The following ELMOD3 variants were observed in gnomAD, a reference collection of about 807,000 sequenced individuals.
The protein encoded by ELMOD3 is ELMO domain-containing protein 3.
A neutral mutation model predicts 47.4 loss-of-function variants in ELMOD3; 36 were observed. That is an observed-to-expected ratio of 0.76 (90% CI 0.58 to 1.00). ELMOD3 has a LOEUF of 1.00. ELMOD3 is among the 50% of genes least tolerant of loss of function. The pLI, the probability that ELMOD3 is intolerant of heterozygous loss-of-function variation, is 0.00. For missense variants in ELMOD3, 404 were observed against 463.8 expected (o/e 0.87, Z 1.18); for synonymous variants, 149 against 183.5 (o/e 0.81, Z 1.52).
rs150867431 is a variant in ELMOD3 at position 85,390,240 on chromosome 2, C to G, written c.918C>G (p.Ile306Met). The change falls in exon 13 of 14, where the codon ATC becomes ATG. Residue 306 changes from isoleucine (I) to methionine (M), a missense_variant. Coordinates refer to ENST00000409013, the MANE Select transcript of ELMOD3 (RefSeq NM_001135022.2). ...AHVWRTQRKTISDSGFVLKEL... is the reference protein window; with the variant it reads ...AHVWRTQRKTMSDSGFVLKEL... The stretch of plus-strand genomic sequence containing the variant: ...TCTGGAGGACACAGCGGAAGACCAT[C>G]TCAGACTCGGGCTTTGTCCTCAAAG... 22 of 1,614,118 alleles carry G rather than the reference C, an allele frequency of 1.4e-5. No individual in the cohort carries two copies. The highest frequency in any genetic ancestry group is 1.9e-5 in the Non-Finnish European group (22 of 1,180,058).
At chr2:85,384,587 C>T (rs913583863) in intron 11 of ELMOD3, among the ~76,000 whole-genome samples, 2 of 152,014 alleles carry the variant, frequency 1.3e-5, no homozygotes, top group Admixed American at 6.6e-5. Flanking sequence ...GCAATCCCTC[C>T]ATTTTATTTT....
intron 11 of ELMOD3, among the ~76,000 whole-genome samples, chr2:85,379,822 T>C (rs553092128): frequency 3.3e-5 from 5 of 152,272 alleles, no homozygotes; most frequent in Non-Finnish European, 7.4e-5. Flanking sequence ...AGGCAAGACT[T>C]TTTTTTAAAG....
intron 11 of ELMOD3, among the ~76,000 whole-genome samples, chr2:85,386,056 G>A (rs917567958): frequency 1.4e-4 from 22 of 152,182 alleles, no homozygotes; most frequent in African/African-American, 5.1e-4. Context: ...AGCAGTGGGA[G>A]TGCAGATGCT....
Position 85,391,098 on chromosome 2 carries a change from C to T in ELMOD3, c.*136C>T, listed in dbSNP as rs953270503. 4 of 869,548 alleles carry T rather than the reference C, an allele frequency of 4.6e-6. No homozygotes were observed. In the African/African-American group the frequency reaches 6.8e-5, roughly 15 times the overall value. 53.9% of individuals were successfully genotyped at this position (869,548 alleles called of 1,614,324 possible). ...GGATATAGGAAGCTCCTGGGCTTAG[C>T]TGTGGGAAGCCAAGTACCCTCACCG... On this transcript the variant is annotated 3_prime_UTR_variant, in exon 14 of 14. Transcript: ENST00000409013.
chr2:85,365,209 C>T (rs1005946995), intron 6 of ELMOD3, among the ~76,000 whole-genome samples: 13 of 150,780 alleles, frequency 8.6e-5, no homozygotes, highest in African/African-American at 2.4e-4. Context: ...CTGAGGCGGG[C>T]GGATCACAAG....
intron 2 of ELMOD3, 95 bp downstream of exon 2, chr2:85,355,265 A>C (rs1573071180): frequency 1.3e-5 from 2 of 151,986 alleles, no homozygotes; most frequent in Admixed American, 1.3e-4. Context: ...CCCTAATGAC[A>C]CCCCATCCGT....
chr2:85,386,363 C>T (rs966352055), intron 11 of ELMOD3, among the ~76,000 whole-genome samples: 6 of 145,674 alleles, frequency 4.1e-5, no homozygotes, highest in Non-Finnish European at 1.5e-5. Flanking sequence ...CAATTTTTAC[C>T]ATTTTTTGAT....
intron 4 of ELMOD3, chr2:85,357,582 C>A: frequency 5.1e-6 from 1 of 196,108 alleles, no homozygotes; most frequent in East Asian, 1.5e-4. Flanking sequence ...TTGGCCTGAT[C>A]ATCCTCAGGA....
Position 85,390,647 on chromosome 2 carries a change from T to C in ELMOD3, c.944-113T>C, listed in dbSNP as rs558075050. ...CCATCTGAGGCTCCTTCACTTTCTCTCCATGGGATAGGGGTTGGGGGTACT... is the reference window on the plus strand; with the variant it reads ...CCATCTGAGGCTCCTTCACTTTCTCCCCATGGGATAGGGGTTGGGGGTACT... On this transcript the variant is annotated intron_variant, in intron 13 of 13. Coordinates refer to ENST00000409013, the MANE Select transcript of ELMOD3 (RefSeq NM_001135022.2). 8.5e-5 allele frequency: 127 copies of C among 1,487,056 alleles called. No individual in the cohort carries two copies. In the East Asian group the frequency reaches 1.0e-3, roughly 12 times the overall value. The allele number at this position is 1,487,056 out of a possible 1,614,324, so 92.1% of individuals were successfully genotyped here.
At chr2:85,368,861 C>A in intron 7 of ELMOD3, 107 bp downstream of exon 7, 3 of 1,114,668 alleles carry the variant, frequency 2.7e-6, no homozygotes, top group Admixed American at 1.9e-5. Context: ...AGATAGAATT[C>A]CTGAGAGTGC....
chr2:85,383,935 C>T (rs1305855670), intron 11 of ELMOD3, among the ~76,000 whole-genome samples: 2 of 152,166 alleles, frequency 1.3e-5, no homozygotes, highest in Non-Finnish European at 1.5e-5. Context: ...CAGAGCACAG[C>T]TTGGTTTTAC....
intron 4 of ELMOD3, 129 bp from the exon 5 acceptor site, chr2:85,362,057 C>A (rs907224322): frequency 2.0e-5 from 13 of 634,996 alleles, no homozygotes; most frequent in Non-Finnish European, 2.8e-5. Flanking sequence ...ACCCAAGTTT[C>A]CCTATGTAAC....
chr2:85,388,741 G>T (rs966317008), intron 11 of ELMOD3, among the ~76,000 whole-genome samples: 1 of 152,344 alleles, frequency 6.6e-6, no homozygotes, highest in Middle Eastern at 3.4e-3. Context: ...AATGTGGCTA[G>T]TACCACTAAG....
Position 85,371,118 on chromosome 2 carries a change from G to C in ELMOD3, c.393G>C (p.Gly131=), listed in dbSNP as rs1259588107. 1 of 1,614,236 alleles carries C rather than the reference G, an allele frequency of 6.2e-7. No individual in the cohort carries two copies. Among genetic ancestry groups the C allele is most frequent in the Admixed American group, 1.7e-5 (1 of 60,030 alleles). The change falls in exon 9 of 14, where the codon GGG becomes GGC. Residue 131 remains glycine, a synonymous_variant. Transcript: ENST00000409013. ...KRIQPTIRRT[G]LAALRHYLFG... is the part of the protein sequence containing the mutation. ...TCCAGCCAACTATTCGAAGGACTGG[G>C]CTCGCCGCCCTCCGACACTACCTCT...
chr2:85,386,821 T>C (rs2104729430), intron 11 of ELMOD3, among the ~76,000 whole-genome samples: 1 of 152,166 alleles, frequency 6.6e-6, no homozygotes, highest in African/African-American at 2.4e-5. Flanking sequence ...CAGATCAACA[T>C]GGAGAAACCT....
chr2:85,379,052 T>C (rs550950145), intron 11 of ELMOD3, among the ~76,000 whole-genome samples: 37 of 152,244 alleles, frequency 2.4e-4, no homozygotes, highest in African/African-American at 8.9e-4. Flanking sequence ...AAGTGGCTTA[T>C]GTATGTAAAT....
At chr2:85,379,393 G>A (rs1333230892) in intron 11 of ELMOD3, among the ~76,000 whole-genome samples, 1 of 152,100 alleles carries the variant, frequency 6.6e-6, no homozygotes. Flanking sequence ...TTTTAGTAAA[G>A]ACGGGGTTTC....
chr2:85,380,386 C>T (rs1374415089), intron 11 of ELMOD3, among the ~76,000 whole-genome samples: 2 of 152,180 alleles, frequency 1.3e-5, no homozygotes, highest in Non-Finnish European at 2.9e-5. Flanking sequence ...GCAGTTAATT[C>T]CTGTTCTGCT....
At chr2:85,387,981 A>T (rs991182562) in intron 11 of ELMOD3, among the ~76,000 whole-genome samples, 1 of 152,172 alleles carries the variant, frequency 6.6e-6, no homozygotes, top group African/African-American at 2.4e-5. Flanking sequence ...TGCAATACGT[A>T]TAAAATGTCA....
Sources: gnomAD v4.1 joint callset for allele counts (sites outside exome capture counted in the v4.1 genomes callset) on GRCh38, gnomAD v4.1.1 for gene constraint, MANE v1.5 for transcripts, NCBI Gene and HGNC (gene_info 2026-07-23, HGNC 2026-07-21) for gene names.